Variants in STON2 observed in about 807,000 individuals in gnomAD.
STON2 encodes stonin-2.
Under a neutral mutation model 65.7 loss-of-function variants are expected in STON2, and 29 were observed. The ratio of observed to expected loss-of-function variants is 0.44; its 90% CI spans 0.33 to 0.60. The LOEUF is 0.60. STON2 is among the 20% of genes least tolerant of loss of function. STON2 has a pLI of 0.03. For missense variants in STON2, 1,054 were observed against 1,118.1 expected, an observed-to-expected ratio of 0.94 and a Z score of 0.82; for synonymous variants, 404 against 414.2, an observed-to-expected ratio of 0.98 and a Z score of 0.30.
At chr14:81,390,201 A>C (rs1900013510) in intron 3 of STON2, among the ~76,000 whole-genome samples, 1 of 151,970 alleles carries the variant, frequency 6.6e-6, no homozygotes, top group Non-Finnish European at 1.5e-5. Context: ...TTCAAAAAAA[A>C]AAAAAAAGAA....
chr14:81,417,213 T>C (rs944747088), intron 2 of STON2, among the ~76,000 whole-genome samples: 1 of 152,120 alleles, frequency 6.6e-6, no homozygotes, highest in Non-Finnish European at 1.5e-5. Flanking sequence ...GGAGGTGCCA[T>C]TCACACAATG....
intron 4 of STON2, among the ~76,000 whole-genome samples, chr14:81,366,134 C>T (rs959932964): frequency 6.6e-6 from 1 of 152,214 alleles, no homozygotes. Flanking sequence ...GCTCTGCCCC[C>T]CCGCACCCTG....
At chr14:81,273,682 C>T (rs1367792696) in intron 6 of STON2, among the ~76,000 whole-genome samples, 2 of 152,084 alleles carry the variant, frequency 1.3e-5, no homozygotes, top group Non-Finnish European at 2.9e-5. Flanking sequence ...AAGGTAGCTG[C>T]TTGATCTCTT....
At position 81,267,821 on chromosome 14, in the gene STON2, C is replaced by T; in HGVS notation, c.*593G>A. 1 of 985,370 alleles carries T rather than the reference C, an allele frequency of 1.0e-6. No individual in the cohort carries two copies. The highest frequency in any genetic ancestry group is 1.2e-6 in the Non-Finnish European group (1 of 829,932). The allele number at this position is 985,370 out of a possible 1,614,324, so 61.0% of individuals were successfully genotyped here. A position where few individuals can be genotyped will look rare whatever the true frequency, so the allele number is the denominator to read the frequency against. ...CCTTAGAGAGATGGAAAAAGTGTTC[C>T]AATCTAAACGATCTAGAGCCAGGAG... On this transcript the variant is annotated 3_prime_UTR_variant, in exon 8 of 8. Transcript: ENST00000614646.
At chr14:81,271,101 G>A (rs1430061758) in intron 6 of STON2, among the ~76,000 whole-genome samples, 1 of 152,108 alleles carries the variant, frequency 6.6e-6, no homozygotes, top group Non-Finnish European at 1.5e-5. Flanking sequence ...TGGTATCCTA[G>A]CAATAAAACC....
intron 1 of STON2, among the ~76,000 whole-genome samples, chr14:81,435,264 A>AT (rs1344459374): frequency 6.6e-6 from 1 of 152,072 alleles, no homozygotes; most frequent in Admixed American, 6.6e-5. Flanking sequence ...TAATAATAGC[A>AT]TTTTTTTCCT....
intron 2 of STON2, among the ~76,000 whole-genome samples, chr14:81,408,158 C>CACACACGCGT (rs1491573285): frequency 1.1e-5 from 1 of 94,554 alleles, no homozygotes; most frequent in Non-Finnish European, 1.8e-5. Context: ...CACACACACA[C>CACACACGCGT]GCGCACACAC....
intron 5 of STON2, among the ~76,000 whole-genome samples, chr14:81,304,399 TAAGTAACTTGCCC>T (rs1262658776): frequency 6.6e-6 from 1 of 152,148 alleles, no homozygotes; most frequent in Non-Finnish European, 1.5e-5. Flanking sequence ...ACAAAAAAGT[TAAGTAACTTGCCC>T]AAGCTCACGC....
intron 5 of STON2, among the ~76,000 whole-genome samples, chr14:81,303,980 TA>T (rs1210888374): frequency 1.3e-5 from 2 of 152,180 alleles, no homozygotes; most frequent in African/African-American, 2.4e-5. Context: ...CGACCGTGAA[TA>T]ATGACTATCC....
Position 81,406,256 on chromosome 14 carries a change from T to C in STON2, c.-198-7676A>G, listed in dbSNP as rs562956767. Among the ~76,000 whole-genome samples, 42 of 152,304 alleles carry C rather than the reference T, an allele frequency of 2.8e-4. No individual in the cohort carries two copies. In the South Asian group the frequency reaches 8.5e-3, roughly 31 times the overall value. On this transcript the variant is annotated intron_variant, in intron 2 of 8. Transcript: ENST00000553821. ...TCCTTAATAAACTACCCTTCATATA[T>C]ACATCTATCCTATTAATTCTGTCCC...
At chr14:81,423,031 T>C (rs1901788217) in intron 2 of STON2, among the ~76,000 whole-genome samples, 3 of 138,904 alleles carry the variant, frequency 2.2e-5, no homozygotes, top group Non-Finnish European at 4.5e-5. Flanking sequence ...CAAGACTCTG[T>C]CTCAAAAAAA....
chr14:81,303,633 C>G (rs186801434), intron 5 of STON2, among the ~76,000 whole-genome samples: 1 of 152,308 alleles, frequency 6.6e-6, no homozygotes, highest in Admixed American at 6.5e-5. Context: ...CCGTTTGTCA[C>G]CCTCTTCCTC....
intron 5 of STON2, among the ~76,000 whole-genome samples, chr14:81,294,720 T>A (rs909914859): frequency 6.6e-6 from 1 of 152,158 alleles, no homozygotes; most frequent in Non-Finnish European, 1.5e-5. Flanking sequence ...AGTCATGGGA[T>A]GAAAGGTTTT....
chr14:81,358,055 T>A (rs1277935462), intron 4 of STON2, among the ~76,000 whole-genome samples: 3 of 151,314 alleles, frequency 2.0e-5, no homozygotes, highest in African/African-American at 7.3e-5. Flanking sequence ...ATTAAAAAAA[T>A]TAAAAAAAAA....
At chr14:81,374,663 A>C (rs1899168671) in intron 3 of STON2, among the ~76,000 whole-genome samples, 1 of 152,176 alleles carries the variant, frequency 6.6e-6, no homozygotes. Context: ...AAAATATGCT[A>C]CTGTAAATAC....
chr14:81,380,572 C>T (rs912188853), intron 3 of STON2, among the ~76,000 whole-genome samples: 1 of 152,128 alleles, frequency 6.6e-6, no homozygotes, highest in Non-Finnish European at 1.5e-5. Flanking sequence ...AGAATCAACC[C>T]AGATGCTCAT....
intron 2 of STON2, among the ~76,000 whole-genome samples, chr14:81,410,278 C>CAAAAAAAAAAAAAAAAA (rs1161157573): frequency 2.2e-5 from 1 of 45,798 alleles, no homozygotes; most frequent in Non-Finnish European, 4.9e-5. Flanking sequence ...TAACTCTAAC[C>CAAAAAAAAAAAAAAAAA]AAAAAAAAAA....
intron 5 of STON2, among the ~76,000 whole-genome samples, chr14:81,279,559 C>T (rs1895021874): frequency 1.3e-5 from 2 of 152,088 alleles, no homozygotes; most frequent in South Asian, 4.1e-4. Context: ...GGCGTAGTGG[C>T]AGGCACCTGT....
At position 81,278,441 on chromosome 14, in the gene STON2, C is replaced by T. The variant is rs1894963197; in HGVS notation, c.1041G>A (p.Gln347=). 2 of 1,614,120 alleles carry T rather than the reference C, an allele frequency of 1.2e-6. No homozygotes were observed. Among genetic ancestry groups the T allele is most frequent in the Admixed American group, 1.7e-5 (1 of 60,014 alleles). ...GGTTTAAAGAGGAAATATCCAGCTT[C>T]TGAACTTTGGAGAAGTTCATCAAAG... ...KSTLMNFSKV[Q]KLDISSLNRT... is the part of the protein sequence containing the mutation. Residue 347 remains glutamine (Q), a synonymous_variant, in exon 6 of 8, where the codon CAG becomes CAA. Transcript: ENST00000614646.
Sources: gnomAD v4.1 joint callset for allele counts (sites outside exome capture counted in the v4.1 genomes callset) on GRCh38, gnomAD v4.1.1 for gene constraint, MANE v1.5 for transcripts, NCBI Gene and HGNC (gene_info 2026-07-23, HGNC 2026-07-21) for gene names.